GALNT13: variants seen among roughly 807,000 people sequenced by gnomAD.
GALNT13 encodes the protein UDP-GalNAc:polypeptide N-acetylgalactosaminyltransferase 13.
In GALNT13, 28 loss-of-function variants were observed where a neutral mutation model predicts 64.2. The ratio of observed to expected loss-of-function variants is 0.44; its 90% CI spans 0.32 to 0.60. The LOEUF is 0.60. Among genes scored for constraint, GALNT13 ranks in the 20% least tolerant of loss-of-function variants. The pLI, the probability that GALNT13 is intolerant of heterozygous loss-of-function variation, is 0.05. For missense variants in GALNT13, 577 were observed against 669.8 expected, an observed-to-expected ratio of 0.86 and a Z score of 1.53; for synonymous variants, 214 against 224.6, an observed-to-expected ratio of 0.95 and a Z score of 0.42.
In GALNT13 at chr2:153,903,914, A is replaced by G. The variant is rs144316106; in HGVS notation, c.-105+2907A>G. 8.6e-5 allele frequency among the ~76,000 whole-genome samples: 13 copies of G among 152,014 alleles called. No homozygotes were observed. In the East Asian group the frequency reaches 1.5e-3, roughly 18 times the overall value. ...ATCCTACTTTTTCTGCCTGCCAGCCATTACCTCCTTTCCATCAGTTTCCCG... is the reference window on the plus strand; with the variant it reads ...ATCCTACTTTTTCTGCCTGCCAGCCGTTACCTCCTTTCCATCAGTTTCCCG... On this transcript the variant is annotated intron_variant, in intron 2 of 12. Coordinates refer to ENST00000392825, the MANE Select transcript of GALNT13 (RefSeq NM_052917.4).
chr2:153,306,846 C>T, the GALNT13 span, among the ~76,000 whole-genome samples: 7 of 152,196 alleles, frequency 4.6e-5, no homozygotes, highest in African/African-American at 1.7e-4. Flanking sequence ...AAGGGATTCT[C>T]CTGCCTCAGC....
rs150435452 is a variant in GALNT13, at chr2:154,229,257, G to A, written c.312-12773G>A. ...AGCTTCAATTGACAATTTGACTTTC[G>A]TTATCAATAACTACATCTTTCTTCA... is the stretch of plus-strand genomic sequence containing the variant. On this transcript the variant is annotated intron_variant, in intron 4 of 12. Transcript: ENST00000392825. Among the ~76,000 whole-genome samples, 25 of 152,106 alleles carry A rather than the reference G, an allele frequency of 1.6e-4. No individual in the cohort carries two copies. In the East Asian group the frequency reaches 4.6e-3, roughly 28 times the overall value.
the GALNT13 span, among the ~76,000 whole-genome samples, chr2:153,837,665 T>A: frequency 6.6e-6 from 1 of 151,550 alleles, no homozygotes; most frequent in Admixed American, 6.6e-5. Context: ...TATCCATTCA[T>A]TTGTCAATGA....
the GALNT13 span, among the ~76,000 whole-genome samples, chr2:153,255,286 T>G: frequency 2.8e-5 from 4 of 142,044 alleles, no homozygotes; most frequent in Non-Finnish European, 4.6e-5. Context: ...AGACTAGGAT[T>G]GCAACCCCTG....
chr2:154,146,190 A>G (rs576841831), intron 4 of GALNT13, among the ~76,000 whole-genome samples: 1 of 151,842 alleles, frequency 6.6e-6, no homozygotes, highest in South Asian at 2.1e-4. Flanking sequence ...ACACATATAT[A>G]CATACACACT....
intron 3 of GALNT13, among the ~76,000 whole-genome samples, chr2:154,000,408 T>C (rs1233914530): frequency 6.6e-6 from 1 of 152,048 alleles, no homozygotes; most frequent in East Asian, 1.9e-4. Flanking sequence ...GTTGTTTATT[T>C]GAAACCTTTC....
chr2:154,377,982 C>T (rs910135220), intron 9 of GALNT13, among the ~76,000 whole-genome samples: 6 of 152,120 alleles, frequency 3.9e-5, no homozygotes, highest in African/African-American at 1.4e-4. Flanking sequence ...TTTTGGAGTG[C>T]ATTCCTTTTT....
chr2:153,764,098 G>C, the GALNT13 span, among the ~76,000 whole-genome samples: 94 of 152,324 alleles, frequency 6.2e-4, no homozygotes, highest in African/African-American at 2.0e-3. Flanking sequence ...TGAGGAACTT[G>C]TTGGGAACTG....
At chr2:153,584,319 T>C in the GALNT13 span, among the ~76,000 whole-genome samples, 1 of 152,014 alleles carries the variant, frequency 6.6e-6, no homozygotes, top group African/African-American at 2.4e-5. Flanking sequence ...CACAGCACAG[T>C]ATTCAGGTTC....
At chr2:153,200,153 G>A in the GALNT13 span, among the ~76,000 whole-genome samples, 3 of 152,210 alleles carry the variant, frequency 2.0e-5, no homozygotes, top group Non-Finnish European at 4.4e-5. Flanking sequence ...TCACCCTTGA[G>A]ACTGAAATCA....
In GALNT13 at chr2:154,396,083, A is replaced by G. The variant is rs751438957; in HGVS notation, c.1249A>G (p.Ile417Val). Reference protein sequence around the residue: ...CKPFSWYLENIYPDSQIPRRY... With the variant: ...CKPFSWYLENVYPDSQIPRRY... ...GCCCTTTTCTTGGTACCTAGAAAAC[A>G]TCTATCCGGACTCCCAGATCCCAAG... is the stretch of plus-strand genomic sequence containing the variant. Residue 417 changes from isoleucine (I) to valine (V), a missense_variant, in exon 10 of 13, where the codon ATC (isoleucine) becomes GTC (valine). By Grantham distance (29) the Ile-to-Val change is conservative (BLOSUM62 3). Transcript: ENST00000392825. 3 of 1,609,526 alleles carry G rather than the reference A, an allele frequency of 1.9e-6. No homozygotes were observed. Among genetic ancestry groups the G allele is most frequent in the Middle Eastern group, 1.7e-4 (1 of 6,052 alleles).
At chr2:153,332,534 G>GTTTTTTTTT in the GALNT13 span, among the ~76,000 whole-genome samples, 4 of 136,260 alleles carry the variant, frequency 2.9e-5, no homozygotes, top group African/African-American at 5.4e-5. Context: ...TGAGAGTATT[G>GTTTTTTTTT]TTTTTTTTTT....
At chr2:154,375,837 G>T (rs1574191479) in intron 9 of GALNT13, among the ~76,000 whole-genome samples, 1 of 152,124 alleles carries the variant, frequency 6.6e-6, no homozygotes, top group Admixed American at 6.5e-5. Flanking sequence ...AAAGGGAAAG[G>T]CTTCCATCTA....
chr2:154,272,217 G>T (rs574922627), intron 8 of GALNT13, among the ~76,000 whole-genome samples: 1 of 151,810 alleles, frequency 6.6e-6, no homozygotes. Flanking sequence ...GGAAATAAAG[G>T]TACACACAAG....
intron 4 of GALNT13, among the ~76,000 whole-genome samples, chr2:154,226,136 A>G (rs2105834567): frequency 6.6e-6 from 1 of 152,256 alleles, no homozygotes; most frequent in South Asian, 2.1e-4. Flanking sequence ...ATGAACAGAG[A>G]CAGGAGGGCA....
the GALNT13 span, chr2:153,370,935 G>A: frequency 1.5e-5 from 3 of 205,618 alleles, no homozygotes; most frequent in Middle Eastern, 2.7e-3. Flanking sequence ...AACAGGCTGT[G>A]GAAAAGTTCT....
chr2:153,604,434 A>G, the GALNT13 span, among the ~76,000 whole-genome samples: 10 of 152,016 alleles, frequency 6.6e-5, no homozygotes, highest in African/African-American at 2.4e-4. Flanking sequence ...AAAAAATGTA[A>G]TTAGATTTCA....
chr2:153,303,389 G>A, the GALNT13 span, among the ~76,000 whole-genome samples: 16 of 152,102 alleles, frequency 1.1e-4, no homozygotes, highest in East Asian at 2.7e-3. Context: ...ATTTTTGTAT[G>A]TTGATTTTGT....
chr2:153,750,465 A>G, the GALNT13 span, among the ~76,000 whole-genome samples: 1 of 151,824 alleles, frequency 6.6e-6, no homozygotes, highest in Non-Finnish European at 1.5e-5. Context: ...GATTTTGTTT[A>G]CTGGGAGAAT....
Sources: gnomAD v4.1 joint callset for allele counts (sites outside exome capture counted in the v4.1 genomes callset) on GRCh38, gnomAD v4.1.1 for gene constraint, MANE v1.5 for transcripts, NCBI Gene and HGNC (gene_info 2026-07-23, HGNC 2026-07-21) for gene names.